SGK1: variants seen among roughly 807,000 people sequenced by gnomAD.
The protein encoded by SGK1 is serum/glucocorticoid regulated kinase 1.
In SGK1, 26 loss-of-function variants were observed where a neutral mutation model predicts 64.2. The ratio of observed to expected loss-of-function variants is 0.40; its 90% CI spans 0.30 to 0.56. The LOEUF (loss-of-function observed/expected upper bound fraction) is 0.56. Ranked by LOEUF, SGK1 falls within the 20% of genes least tolerant of loss-of-function variation. SGK1 has a pLI of 0.38. For missense variants in SGK1, 519 were observed against 645.6 expected (o/e 0.80, Z 2.12); for synonymous variants, 265 against 239.7 (o/e 1.11, Z -0.98).
At chr6:134,178,506 C>G (rs1775282516) in intron 3 of SGK1, among the ~76,000 whole-genome samples, 1 of 152,186 alleles carries the variant, frequency 6.6e-6, no homozygotes, top group Non-Finnish European at 1.5e-5. Context: ...TATTCAAACT[C>G]TTGATCTGTT....
intron 2 of SGK1, among the ~76,000 whole-genome samples, chr6:134,233,160 T>C (rs1293733906): frequency 2.6e-5 from 4 of 152,142 alleles, no homozygotes; most frequent in African/African-American, 9.7e-5. Context: ...TTACAAAACG[T>C]TGTATTATTA....
intron 1 of SGK1, among the ~76,000 whole-genome samples, chr6:134,312,451 G>A (rs575003269): frequency 1.1e-3 from 170 of 152,340 alleles, no homozygotes; most frequent in Non-Finnish European, 2.1e-3. Context: ...TAACTTCTCA[G>A]CTCTGCTAGA....
intron 1 of SGK1, among the ~76,000 whole-genome samples, chr6:134,277,169 A>G (rs893223240): frequency 6.6e-6 from 1 of 151,928 alleles, no homozygotes; most frequent in African/African-American, 2.4e-5. Flanking sequence ...CTAAAACTAC[A>G]AAAATTAGCT....
At chr6:134,300,469 C>T (rs1777433346) in intron 1 of SGK1, among the ~76,000 whole-genome samples, 3 of 137,998 alleles carry the variant, frequency 2.2e-5, no homozygotes, top group African/African-American at 8.2e-5. Flanking sequence ...ACCCGGGAGG[C>T]GGAGGTTGCA....
At chr6:134,307,180 T>C (rs1002322959) in intron 1 of SGK1, among the ~76,000 whole-genome samples, 1 of 152,230 alleles carries the variant, frequency 6.6e-6, no homozygotes, top group Non-Finnish European at 1.5e-5. Context: ...ACCAGATGAA[T>C]AATAATTAGC....
chr6:134,314,165 TA>T (rs200611576), intron 1 of SGK1, among the ~76,000 whole-genome samples: 1,878 of 152,364 alleles, frequency 0.012, 63 homozygotes, highest in East Asian at 0.098. Context: ...ATGAGAAGCA[TA>T]AATCCAAAGG....
chr6:134,175,700 C>G (rs1213689457), intron 3 of SGK1: 1 of 1,430,816 alleles, frequency 7.0e-7, no homozygotes, highest in South Asian at 1.4e-5. Context: ...ACGAGAGCGA[C>G]CGGCGAGCAC....
chr6:134,237,904 A>C (rs1776388171), intron 2 of SGK1, among the ~76,000 whole-genome samples: 1 of 152,212 alleles, frequency 6.6e-6, no homozygotes, highest in African/African-American at 2.4e-5. Flanking sequence ...AAATTAGAAT[A>C]AACTTGTCCT....
chr6:134,179,089 G>C (rs374598738), intron 3 of SGK1, among the ~76,000 whole-genome samples: 9 of 151,894 alleles, frequency 5.9e-5, no homozygotes, highest in African/African-American at 2.2e-4. Flanking sequence ...AATTTTAAAA[G>C]GCTTATAAAT....
At chr6:134,213,558 A>G (rs764318180) in intron 2 of SGK1, among the ~76,000 whole-genome samples, 9 of 112,028 alleles carry the variant, frequency 8.0e-5, no homozygotes, top group African/African-American at 2.2e-4. Context: ...AAATGTCCTC[A>G]TGAAACACCT....
intron 1 of SGK1, among the ~76,000 whole-genome samples, chr6:134,303,773 G>C (rs1026657519): frequency 2.0e-5 from 3 of 148,830 alleles, no homozygotes; most frequent in Admixed American, 6.8e-5. Context: ...GACACAGCAC[G>C]ATTCTGTCTC....
At chr6:134,218,757 G>A (rs1251137124) in intron 2 of SGK1, 1 of 152,140 alleles carries the variant, frequency 6.6e-6, no homozygotes, top group Non-Finnish European at 1.5e-5. Context: ...TCTGATGCTG[G>A]TAGTTGAGGT....
chr6:134,181,195 T>C (rs1271278183), intron 3 of SGK1, among the ~76,000 whole-genome samples: 1 of 152,222 alleles, frequency 6.6e-6, no homozygotes, highest in African/African-American at 2.4e-5. Context: ...GGGCTCTCTT[T>C]CACCCCCACT....
intron 3 of SGK1, among the ~76,000 whole-genome samples, chr6:134,183,848 A>ACCCCCCCCCCC (rs1562243390): frequency 1.0e-4 from 8 of 80,174 alleles, no homozygotes; most frequent in Non-Finnish European, 1.5e-4. Flanking sequence ...ACCTGTCCCC[A>ACCCCCCCCCCC]CCCCACCCCC....
intron 1 of SGK1, chr6:134,297,998 C>A (rs1381541447): frequency 2.4e-6 from 2 of 832,426 alleles, no homozygotes; most frequent in African/African-American, 1.7e-5. Flanking sequence ...GCATCACAGA[C>A]GTATCCGAGA....
At chr6:134,235,540 TTTTTATTTATTTATTTATTTA>T (rs1299608999) in intron 2 of SGK1, among the ~76,000 whole-genome samples, 131 of 76,490 alleles carry the variant, frequency 1.7e-3, no homozygotes, top group African/African-American at 4.2e-3. Context: ...AAAATAGATA[TTTTTATTTATTTATTTATTTA>T]TTTATTTATT....
intron 5 of SGK1, 173 bp downstream of exon 5, chr6:134,173,832 T>G (rs1775118071): frequency 3.3e-6 from 2 of 602,560 alleles, no homozygotes; most frequent in Admixed American, 6.9e-5. Flanking sequence ...AGGAAAAAAA[T>G]AAAATAATAC....
At chr6:134,284,471 TTTTC>T (rs537334682) in intron 1 of SGK1, among the ~76,000 whole-genome samples, 2,335 of 145,300 alleles carry the variant, frequency 0.016, 36 homozygotes, top group Non-Finnish European at 0.024. Context: ...ATATTTGGCT[TTTTC>T]TTTCTTTCTT....
At chr6:134,314,200 C>T (rs910288332) in intron 1 of SGK1, among the ~76,000 whole-genome samples, 1 of 151,758 alleles carries the variant, frequency 6.6e-6, no homozygotes, top group Non-Finnish European at 1.5e-5. Context: ...AGCATCCGGA[C>T]TGTCTTTCTT....
Sources: gnomAD v4.1 joint callset for allele counts (sites outside exome capture counted in the v4.1 genomes callset) on GRCh38, gnomAD v4.1.1 for gene constraint, MANE v1.5 for transcripts, NCBI Gene and HGNC (gene_info 2026-07-23, HGNC 2026-07-21) for gene names.